The following SPATS2 variants were observed in gnomAD, a reference collection of about 807,000 sequenced individuals.
SPATS2 encodes the protein spermatogenesis associated serine rich 2.
Under a neutral mutation model 63.7 loss-of-function variants are expected in SPATS2, and 38 were observed. The observed-to-expected ratio is 0.60, with a 90% CI of 0.46 to 0.78. The LOEUF is 0.78. Ranked by LOEUF, SPATS2 falls within the 30% of genes least tolerant of loss-of-function variation. The pLI, the probability that SPATS2 is intolerant of heterozygous loss-of-function variation, is 0.00. For synonymous variants in SPATS2, 207 were observed against 232.9 expected, an observed-to-expected ratio of 0.89 and a Z score of 1.01; for missense variants, 588 against 666.2, an observed-to-expected ratio of 0.88 and a Z score of 1.29.
chr12:49,445,964 A>G (rs1046011817), intron 2 of SPATS2, among the ~76,000 whole-genome samples: 1 of 151,912 alleles, frequency 6.6e-6, no homozygotes, highest in African/African-American at 2.4e-5. Context: ...GAGTGCATTG[A>G]TGCAATCTCA....
rs566443097 is a variant in SPATS2 at position 49,526,356 on chromosome 12, T to A, written c.*101T>A. 2 of 1,349,622 alleles carry A rather than the reference T, an allele frequency of 1.5e-6. No homozygotes were observed. The highest frequency in any genetic ancestry group is 5.0e-5 in the East Asian group (2 of 39,658). The allele number at this position is 1,349,622 out of a possible 1,614,324, so 83.6% of individuals were successfully genotyped here. ...AGATGTAATAACAAAAAGAAGTTTATGCGTATCACTTTTTGTGCCATTCTA... is the reference window on the plus strand; with the variant it reads ...AGATGTAATAACAAAAAGAAGTTTAAGCGTATCACTTTTTGTGCCATTCTA... On this transcript the variant is annotated 3_prime_UTR_variant, in exon 14 of 14. Coordinates refer to ENST00000552918, the MANE Select transcript of SPATS2 (RefSeq NM_023071.4).
At chr12:49,461,224 C>T in intron 3 of SPATS2, 187 bp downstream of exon 3, 1 of 626,264 alleles carries the variant, frequency 1.6e-6, no homozygotes. Context: ...CTTTTCTACT[C>T]ACACAAACTT....
At chr12:49,461,210 A>G (rs1486907095) in intron 3 of SPATS2, 173 bp downstream of exon 3, 1 of 678,032 alleles carries the variant, frequency 1.5e-6, no homozygotes, top group Non-Finnish European at 2.4e-6. Flanking sequence ...TCATATAACA[A>G]TAGCTTTTCT....
chr12:49,466,781 CTTTACATT>C (rs1555187387), intron 3 of SPATS2, among the ~76,000 whole-genome samples: 1 of 152,102 alleles, frequency 6.6e-6, no homozygotes, highest in Non-Finnish European at 1.5e-5. Flanking sequence ...ATTTTGGTTT[CTTTACATT>C]TACATACAAA....
chr12:49,514,136 G>A (rs1350164567), intron 9 of SPATS2, among the ~76,000 whole-genome samples: 3 of 146,664 alleles, frequency 2.0e-5, no homozygotes, highest in African/African-American at 7.9e-5. Context: ...CAGCCTAGGA[G>A]ACAGCGAGAC....
At chr12:49,449,438 A>G (rs1426717446) in intron 2 of SPATS2, among the ~76,000 whole-genome samples, 1 of 151,612 alleles carries the variant, frequency 6.6e-6, no homozygotes, top group Non-Finnish European at 1.5e-5. Flanking sequence ...CTGATCTCGA[A>G]CTCCTGACCT....
At chr12:49,393,334 A>AT (rs376817750) in intron 2 of SPATS2, among the ~76,000 whole-genome samples, 1,966 of 152,204 alleles carry the variant, frequency 0.013, 50 homozygotes, top group African/African-American at 0.045. Flanking sequence ...TCATTCAGTG[A>AT]TTTTAGCAGC....
chr12:49,468,459 CTTTTTT>C (rs543142181), intron 3 of SPATS2, among the ~76,000 whole-genome samples: 6 of 149,616 alleles, frequency 4.0e-5, no homozygotes, highest in Non-Finnish European at 8.9e-5. Context: ...TGTGCCCGGC[CTTTTTT>C]TTTGTTTTTG....
chr12:49,394,778 A>C (rs1390999191), intron 2 of SPATS2, among the ~76,000 whole-genome samples: 1 of 152,174 alleles, frequency 6.6e-6, no homozygotes, highest in Non-Finnish European at 1.5e-5. Context: ...CTATGAATAA[A>C]GACAATTTTA....
chr12:49,510,434 C>T (rs1946732890), intron 9 of SPATS2, among the ~76,000 whole-genome samples: 1 of 148,808 alleles, frequency 6.7e-6, no homozygotes, highest in Admixed American at 6.7e-5. Flanking sequence ...CATGGTAGCT[C>T]GTGCCTGTAG....
chr12:49,488,875 G>T (rs1414502245), intron 4 of SPATS2, among the ~76,000 whole-genome samples: 1 of 152,180 alleles, frequency 6.6e-6, no homozygotes, highest in Admixed American at 6.5e-5. Context: ...GAAATCTCTA[G>T]CGAGACGAAG....
Position 49,494,789 on chromosome 12 carries a change from G to A in SPATS2, c.313G>A (p.Gly105Ser), listed in dbSNP as rs749730463. ...KPKPAAEPSNGIPDSSKSVSI... is the reference protein window; with the variant it reads ...KPKPAAEPSNSIPDSSKSVSI... ...GAAACCTGCCGCAGAACCAAGTAAC[G>A]GCATCCCAGATTCCAGTAAATCAGT... is the stretch of plus-strand genomic sequence containing the variant. Residue 105 changes from glycine (G) to serine (S), a missense_variant, in exon 7 of 14, where the codon GGC becomes AGC. By Grantham distance (56) the Gly-to-Ser change is moderately conservative (BLOSUM62 0). Transcript: ENST00000552918. 15 of 1,610,196 alleles carry A rather than the reference G, an allele frequency of 9.3e-6. No individual in the cohort carries two copies. The highest frequency in any genetic ancestry group is 2.2e-5 in the East Asian group (1 of 44,750).
At chr12:49,385,391 G>GGT (rs1461878066) in intron 2 of SPATS2, among the ~76,000 whole-genome samples, 6 of 114,322 alleles carry the variant, frequency 5.2e-5, no homozygotes, top group Admixed American at 5.1e-4. Flanking sequence ...TGTGTGTGTG[G>GGT]CAGAGACAGA....
At chr12:49,483,159 C>A (rs941961488) in intron 3 of SPATS2, among the ~76,000 whole-genome samples, 2 of 146,560 alleles carry the variant, frequency 1.4e-5, no homozygotes, top group Non-Finnish European at 3.0e-5. Context: ...AAAAACAGAG[C>A]TAGATAAGAG....
intron 3 of SPATS2, among the ~76,000 whole-genome samples, chr12:49,480,049 G>A (rs1946180477): frequency 6.6e-6 from 1 of 152,186 alleles, no homozygotes; most frequent in Non-Finnish European, 1.5e-5. Context: ...GCTTGTCAGA[G>A]GGAATAATTT....
chr12:49,386,312 C>G lies in SPATS2; in HGVS notation c.-244+15022C>G, dbSNP rs999228757. 2.0e-5 allele frequency among the ~76,000 whole-genome samples: 3 copies of G among 151,560 alleles called. No individual in the cohort carries two copies. The East Asian group carries it at 5.9e-4, about 30-fold the overall frequency. On this transcript the variant is annotated intron_variant, in intron 2 of 13. Coordinates refer to ENST00000552918, the MANE Select transcript of SPATS2 (RefSeq NM_023071.4). The stretch of plus-strand genomic sequence containing the variant: ...CCCAGTAGCTGGGATTACAGGCGTG[C>G]GCCACCATGCCCAACTAATTTTTGT...
intron 2 of SPATS2, among the ~76,000 whole-genome samples, chr12:49,416,471 TTTTTATTTTA>T (rs141815202): frequency 0.036 from 5,423 of 150,880 alleles, 237 homozygotes; most frequent in African/African-American, 0.11. Context: ...TTTTATCACC[TTTTTATTTTA>T]TTTTATTTTA....
chr12:49,424,073 T>G (rs1945030303), intron 2 of SPATS2, among the ~76,000 whole-genome samples: 1 of 152,030 alleles, frequency 6.6e-6, no homozygotes, highest in Non-Finnish European at 1.5e-5. Context: ...CATGGTGGTA[T>G]GCGCCTGTAA....
At chr12:49,408,274 C>G (rs942043121) in intron 2 of SPATS2, among the ~76,000 whole-genome samples, 12 of 140,414 alleles carry the variant, frequency 8.5e-5, no homozygotes, top group African/African-American at 3.2e-4. Context: ...TTTTTTGAGA[C>G]AGACTCTCAC....
Sources: allele counts gnomAD v4.1 joint callset (sites outside exome capture counted in the v4.1 genomes callset), GRCh38; gene constraint gnomAD v4.1.1; transcripts MANE v1.5; gene names NCBI Gene and HGNC (gene_info 2026-07-23, HGNC 2026-07-21).